CEP112: variants seen among roughly 807,000 people sequenced by gnomAD.
CEP112 encodes the protein centrosomal protein of 112 kDa.
CEP112 carries 127 observed loss-of-function variants against 153.0 expected under a neutral mutation model. The ratio of observed to expected loss-of-function variants is 0.83; its 90% CI spans 0.72 to 0.96. The LOEUF (loss-of-function observed/expected upper bound fraction) is 0.96. Among genes scored for constraint, CEP112 ranks in the 40% least tolerant of loss-of-function variants. CEP112 has a pLI of 0.00. For synonymous variants in CEP112, 358 were observed against 374.4 expected, an observed-to-expected ratio of 0.96 and a Z score of 0.51; for missense variants, 1,089 against 1,101.2, an observed-to-expected ratio of 0.99 and a Z score of 0.16.
At chr17:65,711,854 C>T (rs180744299) in intron 23 of CEP112, among the ~76,000 whole-genome samples, 32 of 152,218 alleles carry the variant, frequency 2.1e-4, no homozygotes, top group Admixed American at 1.6e-3. Flanking sequence ...TCAGGTACCA[C>T]GTCCGTTACC....
At chr17:65,983,453 T>C (rs1472099502) in intron 17 of CEP112, among the ~76,000 whole-genome samples, 1 of 152,198 alleles carries the variant, frequency 6.6e-6, no homozygotes, top group African/African-American at 2.4e-5. Flanking sequence ...CCTTCCAATG[T>C]TGGAGGTAGA....
chr17:65,649,810 G>A (rs2045643099), intron 24 of CEP112, among the ~76,000 whole-genome samples: 2 of 151,474 alleles, frequency 1.3e-5, no homozygotes, highest in Admixed American at 6.6e-5. Flanking sequence ...GGGGAACTAA[G>A]TAAAAATTCT....
chr17:66,008,205 A>T (rs918244375), intron 16 of CEP112, among the ~76,000 whole-genome samples: 11 of 152,194 alleles, frequency 7.2e-5, no homozygotes. Context: ...AGAAATATTA[A>T]ATCAAGCTAA....
At chr17:66,154,380 G>A (rs112708502) in intron 4 of CEP112, among the ~76,000 whole-genome samples, 1 of 150,144 alleles carries the variant, frequency 6.7e-6, no homozygotes, top group African/African-American at 2.5e-5. Flanking sequence ...CTGGGTGTGG[G>A]GGGGGGAGCC....
chr17:65,859,840 C>T (rs1475084530), intron 20 of CEP112, among the ~76,000 whole-genome samples: 123 of 135,598 alleles, frequency 9.1e-4, no homozygotes, highest in Non-Finnish European at 6.7e-4. Flanking sequence ...AACCCTGTCT[C>T]TACTAAAAAT....
At chr17:65,640,238 C>T (rs2045056425) in intron 25 of CEP112, among the ~76,000 whole-genome samples, 1 of 146,644 alleles carries the variant, frequency 6.8e-6, no homozygotes, top group African/African-American at 2.6e-5. Flanking sequence ...ACTGCAACCT[C>T]TGCCTCTGGG....
intron 21 of CEP112, among the ~76,000 whole-genome samples, chr17:65,795,664 T>C (rs1225928747): frequency 6.6e-6 from 1 of 151,852 alleles, no homozygotes; most frequent in Non-Finnish European, 1.5e-5. Flanking sequence ...GTACAAAAAT[T>C]AGCTGGGCAT....
chr17:66,037,778 A>G (rs1189957352), intron 12 of CEP112, among the ~76,000 whole-genome samples: 1 of 152,136 alleles, frequency 6.6e-6, no homozygotes, highest in East Asian at 1.9e-4. Context: ...GGCTCATACT[A>G]CTTTTTAAAA....
intron 4 of CEP112, among the ~76,000 whole-genome samples, chr17:66,168,314 G>C (rs2072069152): frequency 2.6e-5 from 4 of 151,766 alleles, no homozygotes; most frequent in Admixed American, 2.6e-4. Flanking sequence ...AACACAAACG[G>C]AAGCTTCCTA....
chr17:66,137,255 T>C (rs1220414453), intron 4 of CEP112, among the ~76,000 whole-genome samples: 1 of 152,066 alleles, frequency 6.6e-6, no homozygotes, highest in East Asian at 1.9e-4. Flanking sequence ...AAAGAATCAG[T>C]AAACTCAAAG....
Position 65,662,555 on chromosome 17 carries a change from C to A in CEP112, c.2698-21490G>T, listed in dbSNP as rs189696193. Among the ~76,000 whole-genome samples the A allele has an allele frequency of 9.9e-4, 150 of 152,106 alleles. 2 individuals are homozygous for A. Among genetic ancestry groups the A allele is most frequent in the Admixed American group, 7.4e-3 (113 of 15,286 alleles). On this transcript the variant is annotated intron_variant, in intron 24 of 26. Transcript: ENST00000535342. ...GCATTTCTTTAATATTAAAAATGTACTGAAATGTAGAAATCATATTCTGAT... is the reference window on the plus strand; with the variant it reads ...GCATTTCTTTAATATTAAAAATGTAATGAAATGTAGAAATCATATTCTGAT...
chr17:65,649,887 A>C (rs2045646566), intron 24 of CEP112, among the ~76,000 whole-genome samples: 1 of 152,206 alleles, frequency 6.6e-6, no homozygotes, highest in African/African-American at 2.4e-5. Context: ...GAATACATTC[A>C]ATACATTCAT....
intron 18 of CEP112, among the ~76,000 whole-genome samples, chr17:65,960,183 C>T (rs1339052769): frequency 6.6e-6 from 1 of 151,746 alleles, no homozygotes; most frequent in African/African-American, 2.4e-5. Flanking sequence ...ACTAAATATG[C>T]TTGAGTAGGG....
intron 16 of CEP112, among the ~76,000 whole-genome samples, chr17:66,018,536 T>A (rs2064865202): frequency 6.6e-6 from 1 of 152,188 alleles, no homozygotes; most frequent in African/African-American, 2.4e-5. Flanking sequence ...ATAAGGGTGA[T>A]TAGATTGCAT....
At chr17:65,909,613 T>C (rs537158018) in intron 19 of CEP112, among the ~76,000 whole-genome samples, 1 of 152,270 alleles carries the variant, frequency 6.6e-6, no homozygotes, top group African/African-American at 2.4e-5. Flanking sequence ...CTGAACATAC[T>C]TGGCACTGGA....
At position 65,849,138 on chromosome 17, in the gene CEP112, C is replaced by T. The variant is rs113745707; in HGVS notation, c.2394+2666G>A. On this transcript the variant is annotated intron_variant, in intron 21 of 26. Coordinates refer to ENST00000535342, the MANE Select transcript of CEP112 (RefSeq NM_001199165.4). ...ATCTTAGCTTGGTTGCTAGCTCTCC[C>T]CTGGATCAACCTCTATGTCATGGAA... 1.6e-3 allele frequency among the ~76,000 whole-genome samples: 243 copies of T among 152,304 alleles called. 1 individual carries two copies. Among genetic ancestry groups the T allele is most frequent in the African/African-American group, 5.6e-3 (233 of 41,552 alleles).
At chr17:66,117,159 G>C (rs1031862137) in intron 6 of CEP112, among the ~76,000 whole-genome samples, 77 of 152,128 alleles carry the variant, frequency 5.1e-4, no homozygotes, top group African/African-American at 1.7e-3. Context: ...CTCCCAAAGT[G>C]CTTGGATTAC....
intron 23 of CEP112, among the ~76,000 whole-genome samples, chr17:65,697,630 A>G (rs1378805571): frequency 6.6e-6 from 1 of 152,176 alleles, no homozygotes; most frequent in Non-Finnish European, 1.5e-5. Context: ...GGGGCTACCG[A>G]AAGTGACACA....
intron 21 of CEP112, among the ~76,000 whole-genome samples, chr17:65,845,432 A>G (rs1012024915): frequency 6.6e-6 from 1 of 152,234 alleles, no homozygotes; most frequent in Non-Finnish European, 1.5e-5. Context: ...TCTTAGTATA[A>G]TGCTTTAAAA....
Sources: allele counts gnomAD v4.1 joint callset (sites outside exome capture counted in the v4.1 genomes callset), GRCh38; gene constraint gnomAD v4.1.1; transcripts MANE v1.5; gene names NCBI Gene and HGNC (gene_info 2026-07-23, HGNC 2026-07-21).